The following CRTC1 variants were observed in gnomAD, a reference collection of about 807,000 sequenced individuals.
The protein encoded by CRTC1 is CREB regulated transcription coactivator 1, also known as CREB-regulated transcription coactivator 1.
A neutral mutation model predicts 66.1 loss-of-function variants in CRTC1; 18 were observed. The observed-to-expected ratio is 0.27, with a 90% confidence interval of 0.19 to 0.40. The LOEUF is 0.40. Ranked by LOEUF, CRTC1 falls within the 10% of genes least tolerant of loss-of-function variation. The pLI is 1.00. For synonymous variants in CRTC1, 416 were observed against 398.8 expected (o/e 1.04, Z -0.51); for missense variants, 669 against 887.9 (o/e 0.75, Z 3.13).
chr19:18,701,807 G>A (rs1238886265), intron 1 of CRTC1, among the ~76,000 whole-genome samples: 1 of 151,622 alleles, frequency 6.6e-6, no homozygotes, highest in Non-Finnish European at 1.5e-5. Flanking sequence ...TAGTAGAGAC[G>A]GGGTTTCACC....
At chr19:18,763,715 A>G (rs1600984941) in intron 8 of CRTC1, among the ~76,000 whole-genome samples, 1 of 152,322 alleles carries the variant, frequency 6.6e-6, no homozygotes, top group South Asian at 2.1e-4. Flanking sequence ...GAGACGGGCC[A>G]CAGTGCTCTG....
intron 1 of CRTC1, among the ~76,000 whole-genome samples, chr19:18,711,018 G>T (rs1021661206): frequency 6.6e-6 from 1 of 152,214 alleles, no homozygotes; most frequent in Admixed American, 6.5e-5. Flanking sequence ...GGCTTTGTAG[G>T]CCTCCAGCTG....
Position 18,765,424 on chromosome 19 carries a change from T to A in CRTC1, c.907T>A (p.Ser303Thr). The A allele has an allele frequency of 1.2e-6, 2 of 1,612,824 alleles. No homozygotes were observed. The highest frequency in any genetic ancestry group is 1.7e-6 in the Non-Finnish European group (2 of 1,179,570). The change falls in exon 9 of 14, where the codon TCT becomes ACT. Residue 303 changes from serine (S) to threonine (T), a missense_variant. Physicochemically the swap from Ser to Thr is moderately conservative, Grantham distance 58. Transcript: ENST00000321949. ...TCTAGGAATGAGCACACCTGGCTCC[T>A]CTCCACAGCACCGCCCAGCTGGCGT... ...AGQGMSTPGS[S>T]PQHRPAGVSP...
chr19:18,775,091 G>GCCCCCC, intron 12 of CRTC1, 105 bp downstream of exon 12: 1 of 1,136,978 alleles, frequency 8.8e-7, no homozygotes, highest in Non-Finnish European at 1.3e-6. Context: ...ACGTGCTCGG[G>GCCCCCC]GGGCCCGTGC....
rs117493144 is a variant in CRTC1, at chr19:18,771,444, G to A, written c.1323G>A (p.Ala441=). 125 of 1,611,790 alleles carry A rather than the reference G, an allele frequency of 7.8e-5. 1 individual carries two copies. In the East Asian group the frequency reaches 1.9e-3, roughly 25 times the overall value. Residue 441 remains alanine, a splice_region_variant and synonymous_variant, in exon 11 of 14, where the codon GCG becomes GCA. Coordinates refer to ENST00000321949, the MANE Select transcript of CRTC1 (RefSeq NM_015321.3). The surrounding 1 kb of genome is among the most constrained non-coding windows in gnomAD (Gnocchi z 4.6). ...TGCTGATCTGTCTGTCATCGCAGGC[G>A]CCGGCTCTGCAGCAGTACCGCACTA... ...QPSMGIDIAS[A]PALQQYRTSA... is the part of the protein sequence containing the mutation.
chr19:18,744,390 C>T (rs191630786), intron 2 of CRTC1, among the ~76,000 whole-genome samples: 11 of 152,330 alleles, frequency 7.2e-5, no homozygotes, highest in Admixed American at 4.6e-4. Context: ...CCATCTGGGG[C>T]AGATGCCATA....
At chr19:18,772,371 C>CT (rs1258915840) in intron 11 of CRTC1, among the ~76,000 whole-genome samples, 3 of 152,252 alleles carry the variant, frequency 2.0e-5, no homozygotes, top group East Asian at 3.9e-4. Context: ...CAGCCGCCAA[C>CT]TTTTTTTACC....
rs369789227 is a variant in CRTC1, at chr19:18,725,482, G to A, written c.127-17428G>A. 3.3e-4 allele frequency among the ~76,000 whole-genome samples: 50 copies of A among 151,686 alleles called. 1 individual carries two copies. In the South Asian group the frequency reaches 8.5e-3, roughly 26 times the overall value. ...GAGGCCTCGGCCACCCTCCTGGAGC[G>A]GAGGTTGGGGCAGCCTGGCCAGCCG... On this transcript the variant is annotated intron_variant, in intron 1 of 13. Transcript: ENST00000321949.
intron 11 of CRTC1, among the ~76,000 whole-genome samples, chr19:18,772,331 G>A (rs929122809): frequency 3.3e-5 from 5 of 152,146 alleles, no homozygotes; most frequent in Admixed American, 1.3e-4. Context: ...ACATTTGTCC[G>A]GGAGAAGGGG....
rs948580782 is a variant in CRTC1, at chr19:18,778,337, C to T, written c.*955C>T. The T allele has an allele frequency of 6.5e-5, 15 of 231,222 alleles. No individual in the cohort carries two copies. In the South Asian group the frequency reaches 2.2e-3, roughly 34 times the overall value. 14.3% of individuals were successfully genotyped at this position (231,222 alleles called of 1,614,324 possible). The stretch of plus-strand genomic sequence containing the variant: ...AGTTACATTTTGGTTGTAGATGACT[C>T]GCTTAATCTTTTAAGCCAACACTTG... On this transcript the variant is annotated 3_prime_UTR_variant, in exon 14 of 14. Coordinates refer to ENST00000321949, the MANE Select transcript of CRTC1 (RefSeq NM_015321.3).
chr19:18,684,740 G>A (rs2052647465), intron 1 of CRTC1, among the ~76,000 whole-genome samples: 1 of 152,148 alleles, frequency 6.6e-6, no homozygotes, highest in Non-Finnish European at 1.5e-5. Flanking sequence ...TGGTGTGCAG[G>A]GGCAGGCCAG....
In CRTC1 at chr19:18,771,026, ACATGTGTGGGTGTG is replaced by A. The variant is rs1343110316; in HGVS notation, c.1321-404_1321-391del. 6.7e-6 allele frequency among the ~76,000 whole-genome samples: 1 copy of A among 148,518 alleles called. No individual in the cohort carries two copies. The highest frequency in any genetic ancestry group is 1.5e-5 in the Non-Finnish European group (1 of 67,028). On this transcript the variant is annotated intron_variant, in intron 10 of 13. Coordinates refer to ENST00000321949, the MANE Select transcript of CRTC1 (RefSeq NM_015321.3). The surrounding 1 kb of genome is among the most constrained non-coding windows in gnomAD (Gnocchi z 4.6). Reference sequence around the variant, plus strand: ...TGTACATTCATGTGTGGATATGTGCACATGTGTGGGTGTGCATGTGTGGGTATGTATATTCTAGT... The same window carrying A: ...TGTACATTCATGTGTGGATATGTGCACATGTGTGGGTATGTATATTCTAGT...
chr19:18,732,820 G>A (rs1847971141), intron 1 of CRTC1, among the ~76,000 whole-genome samples: 1 of 152,110 alleles, frequency 6.6e-6, no homozygotes, highest in African/African-American at 2.4e-5. Context: ...GCCGGGTGTG[G>A]TGGCTCACAC....
At chr19:18,766,767 G>A (rs888312064) in intron 9 of CRTC1, among the ~76,000 whole-genome samples, 5 of 152,146 alleles carry the variant, frequency 3.3e-5, no homozygotes, top group South Asian at 2.1e-4. Context: ...TTTTATTTAC[G>A]TAAAGTTGGT....
At position 18,768,765 on chromosome 19, in the gene CRTC1, A is replaced by G; in HGVS notation, c.1292A>G (p.Gln431Arg). 4 of 1,602,918 alleles carry G rather than the reference A, an allele frequency of 2.5e-6. No homozygotes were observed. The highest frequency in any genetic ancestry group is 3.4e-6 in the Non-Finnish European group (4 of 1,175,940). The change falls in exon 10 of 14, where the codon CAG becomes CGG. Residue 431 changes from glutamine (Q) to arginine (R), a missense_variant. Coordinates refer to ENST00000321949, the MANE Select transcript of CRTC1 (RefSeq NM_015321.3). The surrounding 1 kb of genome is among the most constrained non-coding windows in gnomAD (Gnocchi z 5.6). ...CAGTCCCCCCCAGAGAACCCTGGCC[A>G]GCCATCGATGGGGATCGACATCGCC... ...LPQSPPENPG[Q>R]PSMGIDIASA...
rs546020157 is a variant in CRTC1, at chr19:18,708,234, G to A, written c.126+24406G>A. 2.5e-3 allele frequency among the ~76,000 whole-genome samples: 385 copies of A among 152,304 alleles called. 1 individual carries two copies. Among genetic ancestry groups the A allele is most frequent in the African/African-American group, 8.9e-3 (368 of 41,574 alleles). The stretch of plus-strand genomic sequence containing the variant: ...CTGGAAAGGCCCAAGAGCCAAGCTG[G>A]AGAGCTTGGACGTGATCCCACAGCC... On this transcript the variant is annotated intron_variant, in intron 1 of 13. Transcript: ENST00000321949.
intron 1 of CRTC1, among the ~76,000 whole-genome samples, chr19:18,712,032 C>T (rs2053403606): frequency 6.6e-6 from 1 of 151,602 alleles, no homozygotes; most frequent in Non-Finnish European, 1.5e-5. Flanking sequence ...GCCTCAACAT[C>T]CAGGCTCAAG....
Position 18,777,848 on chromosome 19 carries a change from A to C in CRTC1, c.*466A>C. The C allele has an allele frequency of 3.5e-6, 1 of 288,728 alleles. No homozygotes were observed. The allele number at this position is 288,728 out of a possible 1,614,324, so 17.9% of individuals were successfully genotyped here. ...TTCCCGGTCCCCCAGCCCATCCGCC[A>C]TCCCCAGCCCGTGGTCAGGTAGAGA... On this transcript the variant is annotated 3_prime_UTR_variant, in exon 14 of 14. Transcript: ENST00000321949. This position sits in a 1 kb window ranked among gnomAD's most constrained non-coding sequence, Gnocchi z 5.5.
At chr19:18,758,937 G>A (rs1285619801) in intron 6 of CRTC1, among the ~76,000 whole-genome samples, 1 of 152,192 alleles carries the variant, frequency 6.6e-6, no homozygotes, top group Non-Finnish European at 1.5e-5. Context: ...CTTAGCCTCG[G>A]GTACCAGGGC....
Sources: gnomAD v4.1 joint callset for allele counts (sites outside exome capture counted in the v4.1 genomes callset) on GRCh38, gnomAD v4.1.1 for gene constraint, Gnocchi (gnomAD v3.1) non-coding constraint, MANE v1.5 for transcripts, NCBI Gene and HGNC (gene_info 2026-07-23, HGNC 2026-07-21) for gene names.